The following FAM120A variants were observed in gnomAD, a reference collection of about 807,000 sequenced individuals.
FAM120A encodes constitutive coactivator of PPAR-gamma-like protein 1.
A neutral mutation model predicts 109.7 loss-of-function variants in FAM120A; 15 were observed. The ratio of observed to expected loss-of-function variants is 0.14; its 90% CI spans 0.09 to 0.21. The LOEUF (loss-of-function observed/expected upper bound fraction) is 0.21. FAM120A is among the 10% of genes least tolerant of loss of function. FAM120A has a pLI of 1.00. For synonymous variants in FAM120A, 493 were observed against 572.8 expected (o/e 0.86, Z 1.99); for missense variants, 899 against 1,439.3 (o/e 0.62, Z 6.07).
At chr9:93,559,786 G>A (rs1402792408) in intron 15 of FAM120A, among the ~76,000 whole-genome samples, 1 of 152,214 alleles carries the variant, frequency 6.6e-6, no homozygotes, top group African/African-American at 2.4e-5. Context: ...ACTATGGATA[G>A]TGTAGGGCAA....
At chr9:93,487,692 G>GGACA (rs1396028607) in intron 3 of FAM120A, among the ~76,000 whole-genome samples, 1 of 152,186 alleles carries the variant, frequency 6.6e-6, no homozygotes, top group Non-Finnish European at 1.5e-5. Context: ...AGTGGGAAAT[G>GGACA]GACACAATGG....
chr9:93,479,859 C>G (rs139501629), intron 3 of FAM120A, among the ~76,000 whole-genome samples: 2 of 152,300 alleles, frequency 1.3e-5, no homozygotes, highest in Non-Finnish European at 2.9e-5. Flanking sequence ...GAAGTCCTCC[C>G]TGACTGTCCA....
intron 9 of FAM120A, chr9:93,529,822 A>G: frequency 3.5e-6 from 2 of 577,840 alleles, no homozygotes; most frequent in Non-Finnish European, 6.2e-6. Flanking sequence ...AATATTTTAT[A>G]CTTCTAATGA....
intron 7 of FAM120A, among the ~76,000 whole-genome samples, chr9:93,525,714 A>G (rs1861050331): frequency 6.7e-6 from 1 of 150,370 alleles, no homozygotes; most frequent in African/African-American, 2.4e-5. Flanking sequence ...CTGCTTTCTC[A>G]GTGGGACAGA....
At chr9:93,487,056 C>T (rs553720057) in intron 3 of FAM120A, among the ~76,000 whole-genome samples, 5 of 152,008 alleles carry the variant, frequency 3.3e-5, no homozygotes, top group African/African-American at 7.3e-5. Flanking sequence ...TATCTTTTCC[C>T]GTGCTTATTC....
In FAM120A at chr9:93,451,792, A is replaced by G; in HGVS notation, c.-124A>G. 1 of 812,260 alleles carries G rather than the reference A, an allele frequency of 1.2e-6. No homozygotes were observed. 50.3% of individuals were successfully genotyped at this position (812,260 alleles called of 1,614,324 possible). ...CGCGGCGGCCATGAGCGCGCCCCCG[A>G]CCCGCCCCAGTCCCCCCTAGAGGCC... is the stretch of plus-strand genomic sequence containing the variant. On this transcript the variant is annotated 5_prime_UTR_variant, in exon 1 of 18. Coordinates refer to ENST00000277165, the MANE Select transcript of FAM120A (RefSeq NM_014612.5).
intron 3 of FAM120A, among the ~76,000 whole-genome samples, chr9:93,495,568 A>T (rs1237440100): frequency 6.6e-6 from 1 of 152,256 alleles, no homozygotes; most frequent in Admixed American, 6.5e-5. Flanking sequence ...AAATGTTTAC[A>T]CAGTACTGTA....
chr9:93,549,183 TCACA>T (rs1329778898), intron 11 of FAM120A, among the ~76,000 whole-genome samples: 1 of 152,236 alleles, frequency 6.6e-6, no homozygotes, highest in Non-Finnish European at 1.5e-5. Flanking sequence ...AATGAAACTT[TCACA>T]TCACTCTTTT....
intron 5 of FAM120A, among the ~76,000 whole-genome samples, chr9:93,510,667 A>G (rs1452259597): frequency 6.6e-6 from 1 of 152,056 alleles, no homozygotes; most frequent in Non-Finnish European, 1.5e-5. Context: ...GTGTGTAGAA[A>G]CAGTCTTGAT....
chr9:93,479,959 G>A (rs1360069418), intron 3 of FAM120A, among the ~76,000 whole-genome samples: 2 of 152,202 alleles, frequency 1.3e-5, no homozygotes, highest in Non-Finnish European at 2.9e-5. Context: ...AAATCATTGG[G>A]TAATATCTGC....
chr9:93,451,905 C>G lies in FAM120A; in HGVS notation c.-11C>G. 7.8e-7 allele frequency: 1 copy of G among 1,274,500 alleles called. No individual in the cohort carries two copies. 78.9% of individuals were successfully genotyped at this position (1,274,500 alleles called of 1,614,324 possible). A position where few individuals can be genotyped will look rare whatever the true frequency, so the allele number is the denominator to read the frequency against. ...CCCGCCCGCACCCGCGCCCGCGCCCCCGCCGCCGCCATGGGCGTGCAGGGC... is the reference window on the plus strand; with the variant it reads ...CCCGCCCGCACCCGCGCCCGCGCCCGCGCCGCCGCCATGGGCGTGCAGGGC... On this transcript the variant is annotated 5_prime_UTR_variant, in exon 1 of 18. Transcript: ENST00000277165.
intron 13 of FAM120A, among the ~76,000 whole-genome samples, 158 bp downstream of exon 13, chr9:93,556,749 C>G (rs557967778): frequency 6.6e-6 from 1 of 152,224 alleles, no homozygotes; most frequent in African/African-American, 2.4e-5. Flanking sequence ...CTTCAGTACC[C>G]AGGATGAGCC....
At chr9:93,517,738 G>C (rs970284003) in intron 7 of FAM120A, among the ~76,000 whole-genome samples, 1 of 152,216 alleles carries the variant, frequency 6.6e-6, no homozygotes, top group Non-Finnish European at 1.5e-5. Context: ...CTGACTTGGG[G>C]ACGTGGGTGG....
chr9:93,532,357 T>A lies in FAM120A; in HGVS notation c.1909+28T>A. On this transcript the variant is annotated intron_variant, in intron 10 of 17. Coordinates refer to ENST00000277165, the MANE Select transcript of FAM120A (RefSeq NM_014612.5). The surrounding 1 kb of genome is among the most constrained non-coding windows in gnomAD (Gnocchi z 4.3). ...ATGTACTGTAACAATCCATTGTTTG[T>A]TTTCCTCGGTACCTCGTAATCTCTT... 2 of 1,609,886 alleles carry A rather than the reference T, an allele frequency of 1.2e-6. No individual in the cohort carries two copies. Among genetic ancestry groups the A allele is most frequent in the Non-Finnish European group, 1.7e-6 (2 of 1,176,202 alleles).
chr9:93,527,327 A>G (rs1327725001), intron 8 of FAM120A, 85 bp downstream of exon 8: 2 of 979,988 alleles, frequency 2.0e-6, no homozygotes, highest in East Asian at 4.9e-5. Context: ...GTGAAAAATA[A>G]TATCTCTCTC....
intron 3 of FAM120A, among the ~76,000 whole-genome samples, chr9:93,485,316 C>T (rs1858993976): frequency 6.6e-6 from 1 of 152,024 alleles, no homozygotes; most frequent in Admixed American, 6.6e-5. Context: ...AGGGCTTGTG[C>T]TGGGTATGGT....
rs1862278699 is a variant in FAM120A at position 93,556,299 on chromosome 9, T to G, written c.2275-83T>G. Reference sequence around the variant, plus strand: ...TTTTGTTGAGGAATATTCTGTTAACTTTGGAGAGTTTTACTAAGACTTTGA... The same window carrying G: ...TTTTGTTGAGGAATATTCTGTTAACGTTGGAGAGTTTTACTAAGACTTTGA... On this transcript the variant is annotated intron_variant, in intron 12 of 17. Transcript: ENST00000277165. The G allele has an allele frequency of 6.0e-6, 7 of 1,159,894 alleles. No homozygotes were observed. The South Asian group carries it at 7.8e-5, about 13-fold the overall frequency. The allele number at this position is 1,159,894 out of a possible 1,614,324, so 71.9% of individuals were successfully genotyped here.
At chr9:93,454,495 TTTTCATA>T (rs1358832526) in intron 1 of FAM120A, among the ~76,000 whole-genome samples, 1 of 152,180 alleles carries the variant, frequency 6.6e-6, no homozygotes, top group Non-Finnish European at 1.5e-5. Context: ...GACTGGCCTC[TTTTCATA>T]TGTAATTCTA....
At chr9:93,539,360 A>G (rs183023309) in intron 10 of FAM120A, among the ~76,000 whole-genome samples, 55 of 152,300 alleles carry the variant, frequency 3.6e-4, no homozygotes, top group Non-Finnish European at 7.4e-4. Context: ...AGACAGTTTA[A>G]TATTCAGTCT....
Sources: gnomAD v4.1 joint callset for allele counts (sites outside exome capture counted in the v4.1 genomes callset) on GRCh38, gnomAD v4.1.1 for gene constraint, Gnocchi (gnomAD v3.1) non-coding constraint, MANE v1.5 for transcripts, NCBI Gene and HGNC (gene_info 2026-07-23, HGNC 2026-07-21) for gene names.